Variants in NUP85 observed in about 807,000 individuals in gnomAD.
NUP85 encodes nucleoporin 85.
A neutral mutation model predicts 92.8 loss-of-function variants in NUP85; 23 were observed. The observed-to-expected ratio is 0.25, with a 90% CI of 0.18 to 0.35. NUP85 has a LOEUF of 0.35. Among genes scored for constraint, NUP85 ranks in the 10% least tolerant of loss-of-function variants. The pLI is 1.00. For missense variants in NUP85, 759 were observed against 822.8 expected, an observed-to-expected ratio of 0.92 and a Z score of 0.95; for synonymous variants, 314 against 306.9, an observed-to-expected ratio of 1.02 and a Z score of -0.24.
intron 7 of NUP85, among the ~76,000 whole-genome samples, chr17:75,218,910 G>T (rs2075516388): frequency 6.6e-6 from 1 of 152,096 alleles, no homozygotes; most frequent in Non-Finnish European, 1.5e-5. Flanking sequence ...ACCATGCCTG[G>T]GTAATGATAT....
At chr17:75,230,321 A>G (rs1021381570) in intron 11 of NUP85, among the ~76,000 whole-genome samples, 2 of 150,246 alleles carry the variant, frequency 1.3e-5, no homozygotes, top group Non-Finnish European at 3.0e-5. Context: ...GATTACAGGA[A>G]TGAGCCACTG....
Position 75,212,228 on chromosome 17 carries a change from G to GTTTTTTTT in NUP85, c.361+166_361+167insTTTTTTTT, listed in dbSNP as rs768963282. Among the ~76,000 whole-genome samples the GTTTTTTTT allele has an allele frequency of 4.7e-5, 4 of 84,564 alleles. 2 individuals carry two copies. The highest frequency in any genetic ancestry group is 8.9e-5 in the Non-Finnish European group (4 of 44,846). 55.5% of individuals were successfully genotyped at this position (84,564 alleles called of 152,430 possible). A position where few individuals can be genotyped will look rare whatever the true frequency, so the allele number is the denominator to read the frequency against. On this transcript the variant is annotated intron_variant, in intron 4 of 18. Transcript: ENST00000245544. ...CTTACTTTTTTGGTAATCATTTAGA[G>GTTTTTTTT]GTTTTTTTTTTTGTTGTTGTTTTTT... is the stretch of plus-strand genomic sequence containing the variant.
intron 6 of NUP85, among the ~76,000 whole-genome samples, chr17:75,217,813 G>GT (rs912208697): frequency 6.6e-6 from 1 of 152,258 alleles, no homozygotes; most frequent in African/African-American, 2.4e-5. Context: ...CTGGCCCTAT[G>GT]TTTTTATCAT....
chr17:75,209,207 C>T (rs942599846), intron 2 of NUP85, among the ~76,000 whole-genome samples: 3 of 152,078 alleles, frequency 2.0e-5, no homozygotes, highest in African/African-American at 7.2e-5. Context: ...GATGCTTGGC[C>T]GTCACTTTTG....
chr17:75,229,905 A>G (rs2145394105), intron 11 of NUP85, among the ~76,000 whole-genome samples: 1 of 152,232 alleles, frequency 6.6e-6, no homozygotes, highest in South Asian at 2.1e-4. Flanking sequence ...CATAACCATC[A>G]GCTAGAAATC....
intron 1 of NUP85, among the ~76,000 whole-genome samples, chr17:75,207,657 T>G (rs1241075156): frequency 6.6e-6 from 1 of 151,790 alleles, no homozygotes; most frequent in Non-Finnish European, 1.5e-5. Context: ...TTTTTGTATT[T>G]TTGGTAGAGA....
chr17:75,218,354 T>C, intron 7 of NUP85, 48 bp downstream of exon 7: 3 of 1,607,906 alleles, frequency 1.9e-6, no homozygotes, highest in Non-Finnish European at 2.5e-6. Flanking sequence ...CTACTGTCCC[T>C]GGTGCTGCCG....
intron 7 of NUP85, among the ~76,000 whole-genome samples, chr17:75,219,300 AG>A (rs2075528587): frequency 6.6e-6 from 1 of 152,240 alleles, no homozygotes; most frequent in South Asian, 2.1e-4. Flanking sequence ...GTTTAGAGAC[AG>A]GGTTTCGCTT....
chr17:75,206,604 G>A (rs73352459), intron 1 of NUP85, among the ~76,000 whole-genome samples: 10,266 of 152,124 alleles, frequency 0.067, 952 homozygotes, highest in African/African-American at 0.2. Context: ...TCGGTGATTA[G>A]CCTCAGTAAA....
intron 4 of NUP85, 33 bp downstream of exon 4, chr17:75,212,095 T>A: frequency 7.3e-7 from 1 of 1,375,614 alleles, no homozygotes; most frequent in African/African-American, 2.2e-5. Flanking sequence ...CGCGTGTGTG[T>A]GTGTGTGTGT....
chr17:75,212,086 G>A (rs113136990), intron 4 of NUP85, 24 bp downstream of exon 4: 1 of 1,318,852 alleles, frequency 7.6e-7, no homozygotes, highest in Non-Finnish European at 1.0e-6. Flanking sequence ...GCGCGTGCGC[G>A]CGTGTGTGTG....
chr17:75,233,437 C>CTTTTTTTTTTTTTTT lies in NUP85; in HGVS notation c.1615+280_1615+294dup, dbSNP rs60396796. On this transcript the variant is annotated intron_variant, in intron 16 of 18. Transcript: ENST00000245544. Reference sequence around the variant, plus strand: ...TCTTTCTTCTTTTCTTTTATTTTTTCTTTTTTTTTTTTTTTGAGACAGAAT... The same window carrying CTTTTTTTTTTTTTTT: ...TCTTTCTTCTTTTCTTTTATTTTTTCTTTTTTTTTTTTTTTTTTTTTTTTTTTTTTGAGACAGAAT... Among the ~76,000 whole-genome samples, 16 of 117,184 alleles carry CTTTTTTTTTTTTTTT rather than the reference C, an allele frequency of 1.4e-4. 1 individual carries two copies. Among genetic ancestry groups the CTTTTTTTTTTTTTTT allele is most frequent in the African/African-American group, 5.5e-4 (16 of 28,902 alleles). The allele number at this position is 117,184 out of a possible 152,430, so 76.9% of individuals were successfully genotyped here.
At chr17:75,222,070 C>T (rs2075612944) in intron 7 of NUP85, among the ~76,000 whole-genome samples, 1 of 151,848 alleles carries the variant, frequency 6.6e-6, no homozygotes, top group Non-Finnish European at 1.5e-5. Context: ...TGTTTTGAGA[C>T]AAAGTCTCTG....
chr17:75,208,250 A>C, intron 1 of NUP85: 1 of 327,606 alleles, frequency 3.1e-6, no homozygotes, highest in Non-Finnish European at 5.5e-6. Flanking sequence ...AGCCTGGGCA[A>C]TATGGTGAAA....
intron 11 of NUP85, among the ~76,000 whole-genome samples, chr17:75,229,568 G>A (rs1009414981): frequency 1.4e-4 from 22 of 152,130 alleles, no homozygotes; most frequent in Non-Finnish European, 3.2e-4. Flanking sequence ...TTCAGAGTGA[G>A]AGAGAGACAG....
chr17:75,224,965 A>T, intron 7 of NUP85, 138 bp from the exon 8 acceptor site: 1 of 763,764 alleles, frequency 1.3e-6, no homozygotes, highest in Non-Finnish European at 2.0e-6. Context: ...CATTCTTCCC[A>T]GGGCAGACTC....
At chr17:75,208,768 C>A in intron 2 of NUP85, 148 bp downstream of exon 2, 1 of 661,292 alleles carries the variant, frequency 1.5e-6, no homozygotes, top group Non-Finnish European at 2.7e-6. Flanking sequence ...CAAGATACAA[C>A]AGGGTTTTGT....
At chr17:75,206,596 G>C (rs2075088729) in intron 1 of NUP85, among the ~76,000 whole-genome samples, 1 of 152,052 alleles carries the variant, frequency 6.6e-6, no homozygotes, top group Admixed American at 6.6e-5. Flanking sequence ...CTTGTGAGTC[G>C]GTGATTAGCC....
intron 16 of NUP85, 88 bp from the exon 17 acceptor site, chr17:75,234,549 C>T (rs988021563): frequency 2.2e-6 from 3 of 1,386,588 alleles, no homozygotes; most frequent in Admixed American, 1.9e-5. Context: ...TTTTCTTCTC[C>T]TGTTTAGGGC....
Sources: gnomAD v4.1 joint callset for allele counts (sites outside exome capture counted in the v4.1 genomes callset) on GRCh38, gnomAD v4.1.1 for gene constraint, MANE v1.5 for transcripts, NCBI Gene and HGNC (gene_info 2026-07-23, HGNC 2026-07-21) for gene names.